VPS13D: variants seen among roughly 807,000 people sequenced by gnomAD.
VPS13D encodes the protein vacuolar protein sorting 13 homolog D.
A neutral mutation model predicts 461.9 loss-of-function variants in VPS13D; 187 were observed. The observed-to-expected ratio is 0.40, with a 90% CI of 0.36 to 0.46. VPS13D has a LOEUF of 0.46. Ranked by LOEUF, VPS13D falls within the 20% of genes least tolerant of loss-of-function variation. VPS13D has a pLI of 0.60. For synonymous variants in VPS13D, 1,951 were observed against 1,986.3 expected (o/e 0.98, Z 0.47); for missense variants, 4,711 against 5,364.9 (o/e 0.88, Z 3.81).
intron 39 of VPS13D, 77 bp from the exon 40 acceptor site, chr1:12,338,154 C>T: frequency 7.7e-7 from 1 of 1,294,312 alleles, no homozygotes; most frequent in Non-Finnish European, 1.1e-6. Context: ...TCTATTTGTG[C>T]TTATCGTTTG....
intron 67 of VPS13D, among the ~76,000 whole-genome samples, chr1:12,468,924 C>T (rs1268733462): frequency 1.3e-5 from 2 of 151,922 alleles, no homozygotes; most frequent in African/African-American, 4.8e-5. Context: ...GTCCCAGCTA[C>T]TCCAGAGGTT....
chr1:12,265,612 A>G (rs576924420), intron 13 of VPS13D, among the ~76,000 whole-genome samples: 1 of 152,356 alleles, frequency 6.6e-6, no homozygotes, highest in South Asian at 2.1e-4. Context: ...CAGCATTAAC[A>G]GGAGTTTGGA....
rs199721422 is a variant in VPS13D, at chr1:12,349,307, A to G, written c.9364A>G (p.Thr3122Ala). ...APIHWTNVVK[T>A]AEISSSKREC... is the part of the protein sequence containing the mutation. ...CATTCATTGGACCAATGTAGTGAAG[A>G]CTGCAGAAATTAGTAGCAGTAAACG... is the stretch of plus-strand genomic sequence containing the variant. The change falls in exon 46 of 70, where the codon ACT (threonine) becomes GCT (alanine). Residue 3122 changes from threonine to alanine, a missense_variant. Physicochemically the swap from Thr to Ala is moderately conservative, Grantham distance 58. This residue lies in a region of VPS13D where 4,411 missense variants were observed against 4,937.8 expected (regional missense o/e 0.89). Transcript: ENST00000620676. The G allele has an allele frequency of 1.2e-6, 2 of 1,614,190 alleles. No individual in the cohort carries two copies. The highest frequency in any genetic ancestry group is 8.5e-7 in the Non-Finnish European group (1 of 1,180,040).
At chr1:12,372,308 C>T (rs1244468425) in intron 54 of VPS13D, among the ~76,000 whole-genome samples, 1 of 152,144 alleles carries the variant, frequency 6.6e-6, no homozygotes, top group African/African-American at 2.4e-5. Flanking sequence ...TGCTATCTAC[C>T]TGCCACAGCC....
chr1:12,230,676 A>T (rs1639935649), intron 1 of VPS13D, among the ~76,000 whole-genome samples: 1 of 151,736 alleles, frequency 6.6e-6, no homozygotes, highest in Non-Finnish European at 1.5e-5. Flanking sequence ...ATCAGGCCTA[A>T]AACCTCTCTT....
intron 65 of VPS13D, among the ~76,000 whole-genome samples, chr1:12,448,643 T>G (rs1317953751): frequency 6.6e-6 from 1 of 152,172 alleles, no homozygotes; most frequent in East Asian, 1.9e-4. Context: ...TTATAATCAA[T>G]GTAGAAAAAC....
intron 6 of VPS13D, 35 bp from the exon 7 acceptor site, chr1:12,253,687 T>A: frequency 6.8e-7 from 1 of 1,475,856 alleles, no homozygotes; most frequent in South Asian, 1.1e-5. Context: ...ATAAAGACAG[T>A]CATCCTATTT....
At chr1:12,339,229 C>T (rs1643514163) in intron 40 of VPS13D, among the ~76,000 whole-genome samples, 1 of 152,166 alleles carries the variant, frequency 6.6e-6, no homozygotes, top group African/African-American at 2.4e-5. Flanking sequence ...CTTAATCTTT[C>T]AGGCTTAGCC....
chr1:12,324,875 A>G (rs1031471478), intron 35 of VPS13D, among the ~76,000 whole-genome samples: 7 of 152,206 alleles, frequency 4.6e-5, no homozygotes, highest in African/African-American at 1.7e-4. Context: ...ACTTGAAATG[A>G]GGAAACCAGC....
At chr1:12,382,923 C>CA in intron 57 of VPS13D, 53 bp from the exon 58 acceptor site, 1 of 1,524,810 alleles carries the variant, frequency 6.6e-7, no homozygotes, top group Non-Finnish European at 8.9e-7. Context: ...GTTAACTTGT[C>CA]AAAGTCAGTG....
intron 60 of VPS13D, among the ~76,000 whole-genome samples, 199 bp from the exon 61 acceptor site, chr1:12,399,982 A>C (rs983989623): frequency 6.6e-6 from 1 of 152,158 alleles, no homozygotes; most frequent in Admixed American, 6.5e-5. Context: ...GCACTCCCCT[A>C]ATGAAATTTA....
At chr1:12,254,332 C>T (rs1272945172) in intron 7 of VPS13D, among the ~76,000 whole-genome samples, 4 of 152,028 alleles carry the variant, frequency 2.6e-5, no homozygotes, top group East Asian at 1.9e-4. Flanking sequence ...TGAGCCCCCA[C>T]ACCCGGCCTA....
chr1:12,379,646 T>G (rs772861905), intron 57 of VPS13D, 50 bp downstream of exon 57: 1 of 1,428,134 alleles, frequency 7.0e-7, no homozygotes, highest in South Asian at 1.2e-5. Context: ...TGAGCCTTCT[T>G]TGAAACAAAG....
At chr1:12,400,058 G>A in intron 60 of VPS13D, 123 bp from the exon 61 acceptor site, 2 of 1,075,292 alleles carry the variant, frequency 1.9e-6, no homozygotes, top group Non-Finnish European at 2.7e-6. Context: ...TTGAGATCGA[G>A]TGAAATGACA....
chr1:12,247,399 A>G (rs1640585813), intron 5 of VPS13D, among the ~76,000 whole-genome samples: 1 of 151,584 alleles, frequency 6.6e-6, no homozygotes. Flanking sequence ...CCTGGGCGAC[A>G]AAGCGAGACT....
chr1:12,406,038 C>T (rs1455426914), intron 63 of VPS13D, among the ~76,000 whole-genome samples: 1 of 151,828 alleles, frequency 6.6e-6, no homozygotes, highest in Non-Finnish European at 1.5e-5. Flanking sequence ...TTTCATCTGG[C>T]ACTGAATTGA....
At chr1:12,440,583 T>C (rs1489468227) in intron 65 of VPS13D, among the ~76,000 whole-genome samples, 1 of 152,086 alleles carries the variant, frequency 6.6e-6, no homozygotes, top group Non-Finnish European at 1.5e-5. Context: ...CAATTTAAAG[T>C]GAAGGAAGGA....
Position 12,253,744 on chromosome 1 carries a change from A to G in VPS13D, c.587A>G (p.Lys196Arg). The G allele has an allele frequency of 6.2e-7, 1 of 1,614,064 alleles. No individual in the cohort carries two copies. The highest frequency in any genetic ancestry group is 8.5e-7 in the Non-Finnish European group (1 of 1,179,952). ...CAGGTACAGAAACTAATGCGGAAAA[A>G]GCAATTAGACGTAGCAGAATTTAGC... The part of the protein sequence containing the change: ...NEPVQKLMRK[K>R]QLDVAEFSIY... Residue 196 changes from lysine to arginine, a missense_variant, in exon 7 of 70, where the codon AAG (lysine) becomes AGG (arginine). Around this residue, in one of 3 missense-constraint regions of VPS13D, gnomAD observed 4,411 missense variants for 4,937.8 expected, o/e 0.89. Coordinates refer to ENST00000620676, the MANE Select transcript of VPS13D (RefSeq NM_015378.4).
At chr1:12,410,145 G>A (rs868013232) in intron 63 of VPS13D, among the ~76,000 whole-genome samples, 1 of 152,194 alleles carries the variant, frequency 6.6e-6, no homozygotes, top group Non-Finnish European at 1.5e-5. Flanking sequence ...ATAATCTGAG[G>A]TACTTTCTTT....
Sources: gnomAD v4.1 joint callset for allele counts (sites outside exome capture counted in the v4.1 genomes callset) on GRCh38, gnomAD v4.1.1 for gene constraint, gnomAD v4.1.1 regional missense constraint, MANE v1.5 for transcripts, NCBI Gene and HGNC (gene_info 2026-07-23, HGNC 2026-07-21) for gene names.